The following PTAR1 variants were observed in gnomAD, a reference collection of about 807,000 sequenced individuals.
PTAR1 encodes the protein protein prenyltransferase alpha subunit repeat-containing protein 1.
PTAR1 carries 17 observed loss-of-function variants against 45.5 expected under a neutral mutation model. That is an observed-to-expected ratio of 0.37 (90% CI 0.26 to 0.56). The LOEUF (loss-of-function observed/expected upper bound fraction) is 0.56. Ranked by LOEUF, PTAR1 falls within the 20% of genes least tolerant of loss-of-function variation. The pLI, the probability that PTAR1 is intolerant of heterozygous loss-of-function variation, is 0.77. For synonymous variants in PTAR1, 169 were observed against 171.3 expected (o/e 0.99, Z 0.11); for missense variants, 391 against 476.3 (o/e 0.82, Z 1.67).
chr9:69,723,690 T>A (rs781749072), intron 5 of PTAR1, 60 bp from the exon 6 acceptor site: 10 of 1,273,860 alleles, frequency 7.9e-6, no homozygotes, highest in East Asian at 4.6e-5. Flanking sequence ...TCTTTCTCCA[T>A]TATTGCCTCT....
chr9:69,724,410 C>T (rs1302930639), intron 5 of PTAR1, among the ~76,000 whole-genome samples: 3 of 152,232 alleles, frequency 2.0e-5, no homozygotes, highest in South Asian at 2.1e-4. Context: ...TTGGACAGGT[C>T]GCAAACATAA....
intron 2 of PTAR1, among the ~76,000 whole-genome samples, chr9:69,748,100 G>C (rs377350743): frequency 1.3e-5 from 2 of 152,136 alleles, no homozygotes; most frequent in African/African-American, 4.8e-5. Context: ...CTGGTTATGA[G>C]GTAATAACAT....
intron 5 of PTAR1, among the ~76,000 whole-genome samples, chr9:69,728,205 T>A (rs1825373896): frequency 6.6e-6 from 1 of 152,142 alleles, no homozygotes; most frequent in African/African-American, 2.4e-5. Flanking sequence ...GAGGTATTAT[T>A]TTTTGGCTAT....
At chr9:69,749,876 G>C (rs2134161244) in intron 2 of PTAR1, among the ~76,000 whole-genome samples, 1 of 152,150 alleles carries the variant, frequency 6.6e-6, no homozygotes, top group Admixed American at 6.6e-5. Context: ...ACAGCATCTG[G>C]TATGAGTAGA....
intron 6 of PTAR1, among the ~76,000 whole-genome samples, chr9:69,722,253 C>G (rs1373472721): frequency 1.3e-5 from 2 of 152,160 alleles, no homozygotes; most frequent in Non-Finnish European, 2.9e-5. Flanking sequence ...CTAGCACAGG[C>G]AAGTCTTTCA....
chr9:69,754,532 CTT>C lies in PTAR1; in HGVS notation c.87-3584_87-3583del, dbSNP rs60025062. On this transcript the variant is annotated intron_variant, in intron 1 of 7. Transcript: ENST00000340434. ...GCTATTAACATGTTTGGGTATATAT[CTT>C]TTTTTTTTTTTTTTTTTTTTTCCTG... Among the ~76,000 whole-genome samples, 283 of 76,270 alleles carry C rather than the reference CTT, an allele frequency of 3.7e-3. 2 individuals carry two copies. The highest frequency in any genetic ancestry group is 0.014 in the Middle Eastern group (2 of 148). The allele number at this position is 76,270 out of a possible 152,430, so 50.0% of individuals were successfully genotyped here.
intron 2 of PTAR1, among the ~76,000 whole-genome samples, chr9:69,746,173 A>G (rs1826265881): frequency 6.6e-6 from 1 of 152,220 alleles, no homozygotes; most frequent in African/African-American, 2.4e-5. Flanking sequence ...GGTAAAGTGC[A>G]ATGACAGAAA....
At chr9:69,723,763 G>A (rs1825139585) in intron 5 of PTAR1, 133 bp from the exon 6 acceptor site, 1 of 677,594 alleles carries the variant, frequency 1.5e-6, no homozygotes, top group African/African-American at 1.8e-5. Context: ...TGTACACAAT[G>A]TCTAGCACAG....
At chr9:69,744,009 A>T (rs1826159652) in intron 2 of PTAR1, among the ~76,000 whole-genome samples, 1 of 152,218 alleles carries the variant, frequency 6.6e-6, no homozygotes, top group African/African-American at 2.4e-5. Context: ...TGGAAAAAGT[A>T]TGAGCAAAGA....
At chr9:69,734,728 GA>G (rs956151877) in intron 3 of PTAR1, among the ~76,000 whole-genome samples, 51 of 150,024 alleles carry the variant, frequency 3.4e-4, no homozygotes, top group African/African-American at 2.9e-4. Flanking sequence ...AGATGTAAGG[GA>G]AAAAAAAATC....
chr9:69,725,680 C>G (rs1049312687), intron 5 of PTAR1, among the ~76,000 whole-genome samples: 2 of 151,838 alleles, frequency 1.3e-5, no homozygotes, highest in African/African-American at 4.8e-5. Context: ...CCACTATATT[C>G]TTTTCCCTAA....
chr9:69,725,193 A>G (rs1825212350), intron 5 of PTAR1, among the ~76,000 whole-genome samples: 1 of 152,184 alleles, frequency 6.6e-6, no homozygotes, highest in South Asian at 2.1e-4. Flanking sequence ...ATTTAAAATG[A>G]ACTTATATAA....
At chr9:69,758,231 T>A (rs1386128212) in intron 1 of PTAR1, 1 of 152,192 alleles carries the variant, frequency 6.6e-6, no homozygotes. Flanking sequence ...CTTGGTTTCT[T>A]CAAATATAAT....
At position 69,717,597 on chromosome 9, in the gene PTAR1, A is replaced by G. The variant is rs1381808362; in HGVS notation, c.*745T>C. ...GGGTAGAACATGCTAGAGAAAGAGA[A>G]CTAGTTTACATTTTTAAACATTCGC... On this transcript the variant is annotated 3_prime_UTR_variant, in exon 8 of 8. Coordinates refer to ENST00000340434, the MANE Select transcript of PTAR1 (RefSeq NM_001099666.2). 1 of 152,244 alleles carries G rather than the reference A, an allele frequency of 6.6e-6. No individual in the cohort carries two copies. Among genetic ancestry groups the G allele is most frequent in the Non-Finnish European group, 1.5e-5 (1 of 68,054 alleles). 9.4% of individuals were successfully genotyped at this position (152,244 alleles called of 1,614,324 possible). A position where few individuals can be genotyped will look rare whatever the true frequency, so the allele number is the denominator to read the frequency against.
At position 69,718,419 on chromosome 9, in the gene PTAR1, A is replaced by G. The variant is rs1824821218; in HGVS notation, c.1132T>C (p.Leu378=). ...EMEHRFIDQV[L]STCRNVEQAR... is the part of the protein sequence containing the mutation. Reference sequence around the variant, plus strand: ...TGCTCCACGTTCCGACAGGTGGACAATACTTGATCAATGAACCTGTGCTCC... The same window carrying G: ...TGCTCCACGTTCCGACAGGTGGACAGTACTTGATCAATGAACCTGTGCTCC... Residue 378 remains leucine (L), a synonymous_variant, in exon 8 of 8, where the codon TTG becomes CTG. Transcript: ENST00000340434. 1.2e-6 allele frequency: 2 copies of G among 1,613,560 alleles called. No homozygotes were observed. Among genetic ancestry groups the G allele is most frequent in the Admixed American group, 1.7e-5 (1 of 59,966 alleles).
intron 5 of PTAR1, 89 bp downstream of exon 5, chr9:69,732,050 C>T: frequency 2.3e-6 from 2 of 888,320 alleles, no homozygotes; most frequent in South Asian, 1.6e-5. Flanking sequence ...AGTTTCTCTA[C>T]TCCTTCAAAG....
rs1181925065 is a variant in PTAR1 at position 69,711,411 on chromosome 9, T to A, written c.*6931A>T. ...ATTAGGTAAACTCTGTCAAAAATGC[T>A]TTGAAAACCACAAATTAACAGATGC... On this transcript the variant is annotated 3_prime_UTR_variant, in exon 8 of 8. Coordinates refer to ENST00000340434, the MANE Select transcript of PTAR1 (RefSeq NM_001099666.2). The A allele has an allele frequency of 6.6e-6, 1 of 152,232 alleles. No individual in the cohort carries two copies. The highest frequency in any genetic ancestry group is 1.5e-5 in the Non-Finnish European group (1 of 68,044). The allele number at this position is 152,232 out of a possible 1,614,324, so 9.4% of individuals were successfully genotyped here.
At chr9:69,719,016 T>G (rs141019085) in intron 6 of PTAR1, among the ~76,000 whole-genome samples, 1 of 152,336 alleles carries the variant, frequency 6.6e-6, no homozygotes, top group Non-Finnish European at 1.5e-5. Context: ...GACAGTCTTA[T>G]TTCTGCTATA....
intron 3 of PTAR1, among the ~76,000 whole-genome samples, chr9:69,736,444 C>A (rs1825792856): frequency 6.6e-6 from 1 of 152,130 alleles, no homozygotes; most frequent in Admixed American, 6.5e-5. Flanking sequence ...GTAGTCCCAG[C>A]TACTTGGGAG....
Sources: allele counts gnomAD v4.1 joint callset (sites outside exome capture counted in the v4.1 genomes callset), GRCh38; gene constraint gnomAD v4.1.1; transcripts MANE v1.5; gene names NCBI Gene and HGNC (gene_info 2026-07-23, HGNC 2026-07-21).